The following TMEM232 variants were observed in gnomAD, a reference collection of about 807,000 sequenced individuals.
TMEM232 encodes transmembrane protein 232.
Under a neutral mutation model 78.8 loss-of-function variants are expected in TMEM232, and 80 were observed. That is an observed-to-expected ratio of 1.01 (90% CI 0.85 to 1.22). The LOEUF is 1.22. TMEM232 is among the 50% of genes most tolerant of loss of function. The pLI is 0.00. For missense variants in TMEM232, 881 were observed against 742.2 expected, an observed-to-expected ratio of 1.19 and a Z score of -2.17; for synonymous variants, 297 against 254.3, an observed-to-expected ratio of 1.17 and a Z score of -1.60.
intron 10 of TMEM232, among the ~76,000 whole-genome samples, chr5:110,569,355 T>C (rs1776679849): frequency 6.6e-6 from 1 of 151,870 alleles, no homozygotes; most frequent in Non-Finnish European, 1.5e-5. Context: ...CTAGATATTG[T>C]ATATTGCTAT....
upstream of TMEM232, among the ~76,000 whole-genome samples, chr5:110,727,414 A>G (rs922239643): frequency 2.0e-5 from 3 of 152,196 alleles, no homozygotes; most frequent in Non-Finnish European, 4.4e-5. Flanking sequence ...GTTCGAGACC[A>G]TCCTGGCTAA....
At chr5:110,450,494 A>T (rs535083723) in intron 12 of TMEM232, among the ~76,000 whole-genome samples, 1 of 151,980 alleles carries the variant, frequency 6.6e-6, no homozygotes, top group East Asian at 1.9e-4. Context: ...CTTATTAACT[A>T]TTGCGAGTTA....
At chr5:110,683,225 G>C (rs1397196275) in intron 1 of TMEM232, among the ~76,000 whole-genome samples, 1 of 152,026 alleles carries the variant, frequency 6.6e-6, no homozygotes, top group East Asian at 1.9e-4. Flanking sequence ...AAATGTGTGG[G>C]TTTAATTGAT....
rs146117698 is a variant in TMEM232 at position 110,721,673 on chromosome 5, G to GTGTATATATATATATATATATA, written c.-13+4953_-13+4954insTATATATATATATATATATACA. ...GCATATCATGTGTGTGTGTGTGTGT[G>GTGTATATATATATATATATATA]TATATATATATCTGTGTGTGTTAGT... On this transcript the variant is annotated intron_variant, in intron 1 of 13. Coordinates refer to ENST00000455884, the MANE Select transcript of TMEM232 (RefSeq NM_001039763.4). Among the ~76,000 whole-genome samples, 28 of 35,478 alleles carry GTGTATATATATATATATATATA rather than the reference G, an allele frequency of 7.9e-4. 2 individuals are homozygous for GTGTATATATATATATATATATA. Among genetic ancestry groups the GTGTATATATATATATATATATA allele is most frequent in the East Asian group, 1.2e-3 (1 of 858 alleles). The allele number at this position is 35,478 out of a possible 152,430, so 23.3% of individuals were successfully genotyped here.
chr5:110,684,734 A>G (rs1256094700), intron 1 of TMEM232: 1 of 152,176 alleles, frequency 6.6e-6, no homozygotes, highest in East Asian at 1.9e-4. Context: ...ATATTTATTT[A>G]TTAGAGAATA....
rs1303281922 is a variant in TMEM232 at position 110,640,898 on chromosome 5, G to A, written c.336C>T (p.Ile112=). 1 of 1,527,444 alleles carries A rather than the reference G, an allele frequency of 6.5e-7. No individual in the cohort carries two copies. Among genetic ancestry groups the A allele is most frequent in the Non-Finnish European group, 8.8e-7 (1 of 1,134,344 alleles). 94.6% of individuals were successfully genotyped at this position (1,527,444 alleles called of 1,614,324 possible). ...VIYLAQCKGE[I]QDESLNMLYA... ...AGAATTTAAAGTACGTACCATCTTGGATTTCCCCTTTGCATTGAGCCAGAT... is the reference window on the plus strand; with the variant it reads ...AGAATTTAAAGTACGTACCATCTTGAATTTCCCCTTTGCATTGAGCCAGAT... The change falls in exon 4 of 14, where the codon ATC becomes ATT. Residue 112 remains isoleucine (I), a synonymous_variant. Coordinates refer to ENST00000455884, the MANE Select transcript of TMEM232 (RefSeq NM_001039763.4).
At chr5:110,438,749 A>G (rs987698546) in intron 12 of TMEM232, among the ~76,000 whole-genome samples, 3 of 152,104 alleles carry the variant, frequency 2.0e-5, no homozygotes, top group African/African-American at 4.8e-5. Flanking sequence ...TTCAAAAACG[A>G]CAGTTTATCA....
chr5:110,505,041 A>G (rs1766709316), intron 12 of TMEM232, among the ~76,000 whole-genome samples: 1 of 152,204 alleles, frequency 6.6e-6, no homozygotes, highest in African/African-American at 2.4e-5. Flanking sequence ...GTCGCTTTTA[A>G]CCATTAGAGT....
chr5:110,671,618 A>T (rs1791357164), intron 1 of TMEM232, among the ~76,000 whole-genome samples: 1 of 152,144 alleles, frequency 6.6e-6, no homozygotes, highest in African/African-American at 2.4e-5. Flanking sequence ...GAAGCTGGAA[A>T]CCATCATTCT....
intron 10 of TMEM232, among the ~76,000 whole-genome samples, chr5:110,586,158 G>C (rs1778795435): frequency 6.6e-6 from 1 of 151,678 alleles, no homozygotes; most frequent in Admixed American, 6.6e-5. Context: ...AGTAACAAGT[G>C]GTATTTCTTT....
chr5:110,595,528 T>C (rs992797780), intron 10 of TMEM232, among the ~76,000 whole-genome samples: 9 of 152,196 alleles, frequency 5.9e-5, no homozygotes, highest in Middle Eastern at 3.4e-3. Flanking sequence ...AGAATTTTGA[T>C]AAAAGGTTAC....
chr5:110,483,321 G>A (rs1764098277), intron 12 of TMEM232, among the ~76,000 whole-genome samples: 1 of 151,964 alleles, frequency 6.6e-6, no homozygotes, highest in East Asian at 1.9e-4. Context: ...GGTAAAATGA[G>A]ATAACATCTC....
chr5:110,508,809 T>G (rs2149462907), intron 12 of TMEM232, among the ~76,000 whole-genome samples: 1 of 147,696 alleles, frequency 6.8e-6, no homozygotes, highest in South Asian at 2.1e-4. Flanking sequence ...ATAAACTGAT[T>G]GAGGAAATAC....
At chr5:110,700,272 G>A (rs182084941) in intron 1 of TMEM232, among the ~76,000 whole-genome samples, 14 of 152,168 alleles carry the variant, frequency 9.2e-5, no homozygotes, top group African/African-American at 3.4e-4. Context: ...ATTTGGGAAT[G>A]AATGAAGACA....
intron 12 of TMEM232, among the ~76,000 whole-genome samples, chr5:110,467,625 C>T (rs561384844): frequency 6.6e-5 from 10 of 152,178 alleles, no homozygotes; most frequent in South Asian, 4.1e-4. Context: ...TAAAAATTTA[C>T]GCCTATATAC....
chr5:110,500,288 C>CA (rs773716425), intron 12 of TMEM232, among the ~76,000 whole-genome samples: 16,337 of 70,106 alleles, frequency 0.23, 1,764 homozygotes, highest in African/African-American at 0.33. Flanking sequence ...GACTCTGTCT[C>CA]AAAAAAAAAA....
intron 5 of TMEM232, among the ~76,000 whole-genome samples, chr5:110,636,663 C>T (rs1460377692): frequency 6.6e-6 from 1 of 152,004 alleles, no homozygotes; most frequent in Non-Finnish European, 1.5e-5. Context: ...TCAAAACTCT[C>T]TCTGCTTAGA....
chr5:110,685,993 G>T (rs1793349716), intron 1 of TMEM232, among the ~76,000 whole-genome samples: 1 of 152,006 alleles, frequency 6.6e-6, no homozygotes, highest in Non-Finnish European at 1.5e-5. Flanking sequence ...TTGAATGGAA[G>T]GTGGCATGAT....
At chr5:110,602,651 T>A (rs113918148) in intron 10 of TMEM232, among the ~76,000 whole-genome samples, 2,808 of 152,230 alleles carry the variant, frequency 0.018, 104 homozygotes, top group African/African-American at 0.065. Context: ...CAACAGATGC[T>A]GGAGAGGATC....
Sources: gnomAD v4.1 joint callset for allele counts (sites outside exome capture counted in the v4.1 genomes callset) on GRCh38, gnomAD v4.1.1 for gene constraint, MANE v1.5 for transcripts, NCBI Gene and HGNC (gene_info 2026-07-23, HGNC 2026-07-21) for gene names.